Variants in LEMD2 observed in about 807,000 individuals in gnomAD.
LEMD2 encodes LEM domain-containing protein 2.
LEMD2 carries 34 observed loss-of-function variants against 58.8 expected under a neutral mutation model. The ratio of observed to expected loss-of-function variants is 0.58; its 90% confidence interval spans 0.44 to 0.77. The LOEUF is 0.77. LEMD2 is among the 30% of genes least tolerant of loss of function. The pLI, the probability that LEMD2 is intolerant of heterozygous loss-of-function variation, is 0.00. For synonymous variants in LEMD2, 298 were observed against 308.9 expected, an observed-to-expected ratio of 0.96 and a Z score of 0.37; for missense variants, 629 against 717.9, an observed-to-expected ratio of 0.88 and a Z score of 1.42.
rs142321135 is a variant in LEMD2, at chr6:33,786,420, A to C, written c.777+314T>G. ...CTTCCTCCCAGTGCCAGGGAGCTTG[A>C]GGGTCCTTCAACAACAACCTACTGC... On this transcript the variant is annotated intron_variant, in intron 2 of 8. Coordinates refer to ENST00000293760, the MANE Select transcript of LEMD2 (RefSeq NM_181336.4). Among the ~76,000 whole-genome samples, 10 of 152,302 alleles carry C rather than the reference A, an allele frequency of 6.6e-5. No individual in the cohort carries two copies. The East Asian group carries it at 1.9e-3, about 29-fold the overall frequency.
At chr6:33,788,309 G>C in intron 1 of LEMD2, 72 bp downstream of exon 1, 1 of 1,417,642 alleles carries the variant, frequency 7.1e-7, no homozygotes, top group Non-Finnish European at 9.3e-7. Flanking sequence ...GCCTGGCGCC[G>C]ACAGGAACGG....
chr6:33,786,779 G>C lies in LEMD2; in HGVS notation c.737-5C>G. The C allele has an allele frequency of 6.2e-7, 1 of 1,613,498 alleles. No individual in the cohort carries two copies. The highest frequency in any genetic ancestry group is 1.1e-5 in the South Asian group (1 of 90,850). ...AGTCCACTGGCAATAACTTCACTGA[G>C]ACCAAGAAAAGAAACACAGAGGAAA... On this transcript the variant is annotated splice_region_variant and splice_polypyrimidine_tract_variant and intron_variant, in intron 1 of 8. Transcript: ENST00000293760.
chr6:33,787,422 T>C (rs928764542), intron 1 of LEMD2, among the ~76,000 whole-genome samples: 1 of 152,266 alleles, frequency 6.6e-6, no homozygotes, highest in Non-Finnish European at 1.5e-5. Context: ...GCCCACAGAC[T>C]TGTACACTCC....
At chr6:33,776,799 G>A in intron 8 of LEMD2, 155 bp downstream of exon 8, 1 of 653,484 alleles carries the variant, frequency 1.5e-6, no homozygotes. Context: ...AGCATGCTGG[G>A]GAGCAGCAGG....
chr6:33,784,477 G>GGGGGGGGCCCCCCCC, intron 2 of LEMD2, 50 bp from the exon 3 acceptor site: 7 of 430,738 alleles, frequency 1.6e-5, no homozygotes, highest in East Asian at 1.5e-4. Context: ...GGTGGGAGGG[G>GGGGGGGGCCCCCCCC]TCCGTCTGTC....
intron 1 of LEMD2, chr6:33,787,123 A>C (rs1767695677): frequency 3.6e-6 from 1 of 276,700 alleles, no homozygotes; most frequent in East Asian, 8.9e-5. Context: ...AACAAAACAA[A>C]ATATAGGAGT....
rs769697753 is a variant in LEMD2, at chr6:33,772,788, G to C, written c.1362-10C>G. 4 of 1,611,948 alleles carry C rather than the reference G, an allele frequency of 2.5e-6. No homozygotes were observed. Among genetic ancestry groups the C allele is most frequent in the South Asian group, 1.1e-5 (1 of 90,734 alleles). On this transcript the variant is annotated splice_polypyrimidine_tract_variant and intron_variant, in intron 8 of 8. Coordinates refer to ENST00000293760, the MANE Select transcript of LEMD2 (RefSeq NM_181336.4). ...ACGCTTCATGCGCCTCCTGCAATGA[G>C]AGGGACGGGGCTCTGCCTGGCACTG...
chr6:33,781,021 C>T (rs1767553042), intron 4 of LEMD2, 56 bp downstream of exon 4: 22 of 1,211,028 alleles, frequency 1.8e-5, no homozygotes, highest in South Asian at 5.2e-5. Context: ...GCTTGAAAGA[C>T]CAATAGGAAA....
intron 8 of LEMD2, among the ~76,000 whole-genome samples, chr6:33,773,078 G>C (rs1020635821): frequency 2.0e-5 from 3 of 152,202 alleles, no homozygotes; most frequent in African/African-American, 7.2e-5. Context: ...GCTGACTCTT[G>C]CTGGGACCTG....
At chr6:33,776,866 G>T in intron 8 of LEMD2, 88 bp downstream of exon 8, 1 of 1,074,180 alleles carries the variant, frequency 9.3e-7, no homozygotes, top group Non-Finnish European at 1.4e-6. Context: ...GCTGACATCT[G>T]ATGCAAGGCT....
intron 1 of LEMD2, among the ~76,000 whole-genome samples, chr6:33,787,979 A>G (rs569332260): frequency 6.6e-6 from 1 of 152,330 alleles, no homozygotes; most frequent in Admixed American, 6.5e-5. Flanking sequence ...TGAAATCTGG[A>G]GTGCCTTCAA....
intron 1 of LEMD2, 52 bp downstream of exon 1, chr6:33,788,329 C>T (rs1057314702): frequency 3.4e-6 from 5 of 1,492,498 alleles, no homozygotes; most frequent in Non-Finnish European, 4.5e-6. Context: ...GGGGGTCCTC[C>T]GGCGGACACA....
chr6:33,780,888 A>G (rs1032190356), intron 4 of LEMD2, among the ~76,000 whole-genome samples, 189 bp downstream of exon 4: 1 of 152,224 alleles, frequency 6.6e-6, no homozygotes. Context: ...GCTCTGGGGC[A>G]GTCACTACCA....
chr6:33,788,936 G>C lies in LEMD2; in HGVS notation c.181C>G (p.Arg61Gly). 6.7e-7 allele frequency: 1 copy of C among 1,498,612 alleles called. No individual in the cohort carries two copies. The highest frequency in any genetic ancestry group is 8.8e-7 in the Non-Finnish European group (1 of 1,131,736). 92.8% of individuals were successfully genotyped at this position (1,498,612 alleles called of 1,614,324 possible). A position where few individuals can be genotyped will look rare whatever the true frequency, so the allele number is the denominator to read the frequency against. The change falls in exon 1 of 9, where the codon CGG becomes GGG. Residue 61 changes from arginine (R) to glycine (G), a missense_variant. Transcript: ENST00000293760. ...REEARPRGEE[R>G]LREEARLRED... ...CGTAACCGGGCCTCTTCCCGTAACCGCTCCTCGCCCCGCGGCCGGGCCTCC... is the reference window on the plus strand; with the variant it reads ...CGTAACCGGGCCTCTTCCCGTAACCCCTCCTCGCCCCGCGGCCGGGCCTCC...
chr6:33,771,573 C>G lies in LEMD2; in HGVS notation c.*1055G>C, dbSNP rs902496705. ...GAGAGGCTTCTCGCACTTAATAAGG[C>G]CCCCCGTCGGGGTGCTTCTGGAGCC... On this transcript the variant is annotated 3_prime_UTR_variant, in exon 9 of 9. Coordinates refer to ENST00000293760, the MANE Select transcript of LEMD2 (RefSeq NM_181336.4). 2 of 152,218 alleles carry G rather than the reference C, an allele frequency of 1.3e-5. No individual in the cohort carries two copies. Among genetic ancestry groups the G allele is most frequent in the African/African-American group, 4.8e-5 (2 of 41,464 alleles). 9.4% of individuals were successfully genotyped at this position (152,218 alleles called of 1,614,324 possible).
chr6:33,774,508 C>T (rs182698244), intron 8 of LEMD2, among the ~76,000 whole-genome samples: 1 of 150,350 alleles, frequency 6.7e-6, no homozygotes, highest in Admixed American at 6.6e-5. Flanking sequence ...CGGCTTACTG[C>T]AACCTCCACC....
Position 33,772,281 on chromosome 6 carries a change from G to A in LEMD2, c.*347C>T, listed in dbSNP as rs563138941. The A allele has an allele frequency of 2.1e-4, 38 of 181,890 alleles. No individual in the cohort carries two copies. The highest frequency in any genetic ancestry group is 5.5e-4 in the Admixed American group (9 of 16,448). The allele number at this position is 181,890 out of a possible 1,614,324, so 11.3% of individuals were successfully genotyped here. ...CCTCCCAGGTGACAGACTCCCTGGC[G>A]TGGCCATGCCCCAGCCCACCAGCCC... On this transcript the variant is annotated 3_prime_UTR_variant, in exon 9 of 9. Coordinates refer to ENST00000293760, the MANE Select transcript of LEMD2 (RefSeq NM_181336.4).
chr6:33,775,326 A>AT (rs535070445), intron 8 of LEMD2, among the ~76,000 whole-genome samples: 121 of 151,718 alleles, frequency 8.0e-4, no homozygotes, highest in Non-Finnish European at 1.2e-3. Context: ...CCTTTTTTTT[A>AT]TTTTTTTAAG....
Position 33,778,163 on chromosome 6 carries a change from G to C in LEMD2, c.1156+79C>G. 7.2e-7 allele frequency: 1 copy of C among 1,386,686 alleles called. No individual in the cohort carries two copies. Among genetic ancestry groups the C allele is most frequent in the Middle Eastern group, 2.0e-4 (1 of 5,066 alleles). 85.9% of individuals were successfully genotyped at this position (1,386,686 alleles called of 1,614,324 possible). A position where few individuals can be genotyped will look rare whatever the true frequency, so the allele number is the denominator to read the frequency against. On this transcript the variant is annotated intron_variant, in intron 6 of 8. Transcript: ENST00000293760. This position sits in a 1 kb window ranked among gnomAD's most constrained non-coding sequence, Gnocchi z 4.7. ...GACAGAAATGAACCCTCCGGGCCTG[G>C]AATTTCTATAGCTCATCATTCATGC...
Sources: allele counts gnomAD v4.1 joint callset (sites outside exome capture counted in the v4.1 genomes callset), GRCh38; gene constraint gnomAD v4.1.1; non-coding constraint Gnocchi (gnomAD v3.1); transcripts MANE v1.5; gene names NCBI Gene and HGNC (gene_info 2026-07-23, HGNC 2026-07-21).